AUTS2: variants seen among roughly 807,000 people sequenced by gnomAD.
AUTS2 encodes the protein autism susceptibility gene 2 protein.
A neutral mutation model predicts 112.4 loss-of-function variants in AUTS2; 17 were observed. That is an observed-to-expected ratio of 0.15 (90% CI 0.10 to 0.23). AUTS2 has a LOEUF of 0.23. Ranked by LOEUF, AUTS2 falls within the 10% of genes least tolerant of loss-of-function variation. AUTS2 has a pLI of 1.00. For synonymous variants in AUTS2, 751 were observed against 702.7 expected (o/e 1.07, Z -1.09); for missense variants, 1,510 against 1,701.6 (o/e 0.89, Z 1.98).
chr7:70,023,667 C>G (rs1800385994), intron 2 of AUTS2, among the ~76,000 whole-genome samples: 1 of 152,126 alleles, frequency 6.6e-6, no homozygotes, highest in South Asian at 2.1e-4. Flanking sequence ...AAGCAACATT[C>G]ATTAAACTAA....
At chr7:70,340,441 TCA>T (rs1791214161) in intron 4 of AUTS2, among the ~76,000 whole-genome samples, 1 of 152,122 alleles carries the variant, frequency 6.6e-6, no homozygotes, top group African/African-American at 2.4e-5. Flanking sequence ...TTCACACTCT[TCA>T]CATAGAGGTG....
chr7:69,793,714 G>A (rs997091555), intron 1 of AUTS2, among the ~76,000 whole-genome samples: 1 of 151,950 alleles, frequency 6.6e-6, no homozygotes, highest in Non-Finnish European at 1.5e-5. Flanking sequence ...AGAACTTCTG[G>A]AATTTGGACA....
At chr7:70,605,748 A>T (rs1018586158) in intron 5 of AUTS2, among the ~76,000 whole-genome samples, 4 of 152,194 alleles carry the variant, frequency 2.6e-5, no homozygotes, top group African/African-American at 9.7e-5. Context: ...TGTATTAGCG[A>T]ATCACAGAAT....
intron 2 of AUTS2, among the ~76,000 whole-genome samples, chr7:70,085,370 T>A: frequency 7.1e-6 from 1 of 140,788 alleles, no homozygotes; most frequent in South Asian, 2.2e-4. Flanking sequence ...TTTTGCATAC[T>A]TTTTTTTTTT....
chr7:70,557,518 C>T (rs751677553), intron 5 of AUTS2, among the ~76,000 whole-genome samples: 4 of 152,238 alleles, frequency 2.6e-5, no homozygotes, highest in Non-Finnish European at 5.9e-5. Flanking sequence ...GCCAATCGAA[C>T]ATGTGCTCCA....
chr7:70,089,835 C>G (rs1305240840), intron 2 of AUTS2, among the ~76,000 whole-genome samples: 1 of 151,654 alleles, frequency 6.6e-6, no homozygotes, highest in Admixed American at 6.6e-5. Flanking sequence ...ATGGCGAAAC[C>G]CCGTCTACTA....
At chr7:69,693,386 T>G (rs189822618) in intron 1 of AUTS2, among the ~76,000 whole-genome samples, 3 of 152,350 alleles carry the variant, frequency 2.0e-5, no homozygotes, top group Admixed American at 1.3e-4. Context: ...ATGACAAGTT[T>G]TTTTGTATAA....
rs1446802833 is a variant in AUTS2, at chr7:70,759,800, C to G, written c.743-3070C>G. 3.9e-5 allele frequency among the ~76,000 whole-genome samples: 6 copies of G among 152,278 alleles called. 1 individual carries two copies. In the Middle Eastern group the frequency reaches 0.01, roughly 259 times the overall value. ...TCAAGAACAAGGAGGTAAACAGAGTCAAGCTAGATATCTGTAGTACTTCCT... is the reference window on the plus strand; with the variant it reads ...TCAAGAACAAGGAGGTAAACAGAGTGAAGCTAGATATCTGTAGTACTTCCT... On this transcript the variant is annotated intron_variant, in intron 6 of 18. Coordinates refer to ENST00000342771, the MANE Select transcript of AUTS2 (RefSeq NM_015570.4).
chr7:70,706,277 TA>T lies in AUTS2; in HGVS notation c.742+7660del, dbSNP rs1397710112. On this transcript the variant is annotated intron_variant, in intron 6 of 18. Coordinates refer to ENST00000342771, the MANE Select transcript of AUTS2 (RefSeq NM_015570.4). The stretch of plus-strand genomic sequence containing the variant: ...GTCCCCATCGTGGTTATTCGGCTGG[TA>T]AAGGGGAAAAGAGCAGAGACAGAAA... Among the ~76,000 whole-genome samples, 3 of 152,076 alleles carry T rather than the reference TA, an allele frequency of 2.0e-5. No individual in the cohort carries two copies. In the East Asian group the frequency reaches 5.8e-4, roughly 29 times the overall value.
intron 2 of AUTS2, among the ~76,000 whole-genome samples, chr7:70,087,149 T>A (rs1053667849): frequency 1.3e-5 from 2 of 152,080 alleles, no homozygotes; most frequent in African/African-American, 4.8e-5. Flanking sequence ...CCTTTCTATT[T>A]CACATTTGCT....
At chr7:69,764,073 A>G (rs1321421115) in intron 1 of AUTS2, among the ~76,000 whole-genome samples, 4 of 152,226 alleles carry the variant, frequency 2.6e-5, no homozygotes, top group African/African-American at 9.6e-5. Flanking sequence ...AAGCTGCCAT[A>G]CCAAGGCCAC....
intron 5 of AUTS2, among the ~76,000 whole-genome samples, chr7:70,682,411 T>A (rs985462842): frequency 6.6e-6 from 1 of 152,246 alleles, no homozygotes; most frequent in Non-Finnish European, 1.5e-5. Context: ...ATGTTAAGTT[T>A]TCTTCTGCTT....
chr7:70,438,390 C>T (rs1307414504), intron 5 of AUTS2, among the ~76,000 whole-genome samples: 5 of 152,002 alleles, frequency 3.3e-5, no homozygotes, highest in African/African-American at 4.8e-5. Context: ...AGATTCATGG[C>T]GCACCTCCTG....
chr7:70,713,632 C>T (rs1321724777), intron 6 of AUTS2, among the ~76,000 whole-genome samples: 1 of 151,740 alleles, frequency 6.6e-6, no homozygotes, highest in Non-Finnish European at 1.5e-5. Flanking sequence ...TGGTGGCTCA[C>T]GCCTGTAATC....
chr7:70,141,415 G>A (rs1388599948), intron 4 of AUTS2, among the ~76,000 whole-genome samples: 1 of 152,158 alleles, frequency 6.6e-6, no homozygotes, highest in African/African-American at 2.4e-5. Context: ...GAGTTTGGAA[G>A]TTAGAATACG....
chr7:69,992,574 T>C (rs1301848818), intron 2 of AUTS2, among the ~76,000 whole-genome samples: 2 of 152,126 alleles, frequency 1.3e-5, no homozygotes, highest in African/African-American at 2.4e-5. Flanking sequence ...AAAAGAAGCA[T>C]GGGCCAGGTG....
At chr7:70,424,952 G>A (rs555666357) in intron 4 of AUTS2, among the ~76,000 whole-genome samples, 12 of 152,242 alleles carry the variant, frequency 7.9e-5, no homozygotes, top group Admixed American at 3.9e-4. Flanking sequence ...ATGCTCTGCC[G>A]TTGTTCCTGT....
chr7:70,766,830 T>G lies in AUTS2; in HGVS notation c.1689+496T>G, dbSNP rs1170800767. On this transcript the variant is annotated intron_variant, in intron 9 of 18. Coordinates refer to ENST00000342771, the MANE Select transcript of AUTS2 (RefSeq NM_015570.4). This position sits in a 1 kb window ranked among gnomAD's most constrained non-coding sequence, Gnocchi z 4.8. ...TTCCGATGGCTTCCCTAAACCCACT[T>G]TGTTGGAGGTGTTATATTTCTTGTG... 6.6e-6 allele frequency among the ~76,000 whole-genome samples: 1 copy of G among 152,110 alleles called. No homozygotes were observed.
intron 5 of AUTS2, among the ~76,000 whole-genome samples, chr7:70,543,587 A>C (rs573013517): frequency 6.6e-6 from 1 of 151,452 alleles, no homozygotes; most frequent in South Asian, 2.1e-4. Context: ...GGACTCAGAC[A>C]CACACACCTA....
Sources: allele counts gnomAD v4.1 joint callset (sites outside exome capture counted in the v4.1 genomes callset), GRCh38; gene constraint gnomAD v4.1.1; non-coding constraint Gnocchi (gnomAD v3.1); transcripts MANE v1.5; gene names NCBI Gene and HGNC (gene_info 2026-07-23, HGNC 2026-07-21).